DLGAP2: variants seen among roughly 807,000 people sequenced by gnomAD.
DLGAP2 encodes the protein disks large-associated protein 2.
In DLGAP2, 26 loss-of-function variants were observed where a neutral mutation model predicts 100.3. The observed-to-expected ratio is 0.26, with a 90% CI of 0.19 to 0.36. The LOEUF is 0.36. Ranked by LOEUF, DLGAP2 falls within the 10% of genes least tolerant of loss-of-function variation. The pLI is 1.00. For missense variants in DLGAP2, 1,858 were observed against 1,453.2 expected, an observed-to-expected ratio of 1.28 and a Z score of -4.53; for synonymous variants, 886 against 630.1, an observed-to-expected ratio of 1.41 and a Z score of -6.08.
At chr8:1,085,244 T>C (rs993323014) in intron 2 of DLGAP2, among the ~76,000 whole-genome samples, 1 of 152,238 alleles carries the variant, frequency 6.6e-6, no homozygotes, top group Admixed American at 6.5e-5. Context: ...TTTGAGTTCT[T>C]ACATATTTTG....
chr8:1,015,163 A>G (rs868470391), intron 2 of DLGAP2, among the ~76,000 whole-genome samples: 186 of 9,080 alleles, frequency 0.02, 2 homozygotes, highest in African/African-American at 0.029. Context: ...AGGACAGACG[A>G]CGCCTCCACT....
intron 1 of DLGAP2, among the ~76,000 whole-genome samples, chr8:907,094 T>A (rs1359448221): frequency 6.6e-6 from 1 of 152,168 alleles, no homozygotes; most frequent in Non-Finnish European, 1.5e-5. Flanking sequence ...GACTGGTGTT[T>A]CTTTGCAACA....
chr8:1,054,247 C>G (rs770180213), intron 2 of DLGAP2, among the ~76,000 whole-genome samples: 1 of 151,960 alleles, frequency 6.6e-6, no homozygotes, highest in Non-Finnish European at 1.5e-5. Flanking sequence ...CATGTACACA[C>G]ACGTACACAC....
At chr8:1,563,962 C>T (rs1015108740) in intron 5 of DLGAP2, among the ~76,000 whole-genome samples, 1 of 152,150 alleles carries the variant, frequency 6.6e-6, no homozygotes, top group Admixed American at 6.5e-5. Flanking sequence ...GTCTGAAGAC[C>T]TTTTAAATAT....
chr8:853,634 C>T (rs1035511647), intron 1 of DLGAP2, among the ~76,000 whole-genome samples: 3 of 152,208 alleles, frequency 2.0e-5, no homozygotes, highest in Non-Finnish European at 2.9e-5. Flanking sequence ...GGGCCAGCCT[C>T]GCAAGCAGCC....
At chr8:1,189,607 A>G (rs551726965) in intron 2 of DLGAP2, among the ~76,000 whole-genome samples, 3 of 152,336 alleles carry the variant, frequency 2.0e-5, no homozygotes, top group African/African-American at 7.2e-5. Flanking sequence ...ATTTTTTGTC[A>G]TTCAAGCACG....
At chr8:1,160,523 G>T (rs1240219121) in intron 2 of DLGAP2, among the ~76,000 whole-genome samples, 2 of 152,194 alleles carry the variant, frequency 1.3e-5, no homozygotes, top group Non-Finnish European at 2.9e-5. Flanking sequence ...AGAAGGACGT[G>T]GTCCACGTGT....
At chr8:949,637 C>G in intron 2 of DLGAP2, among the ~76,000 whole-genome samples, 1 of 152,202 alleles carries the variant, frequency 6.6e-6, no homozygotes, top group East Asian at 1.9e-4. Flanking sequence ...GTGGGTCACT[C>G]TTTTTCTGGC....
intron 6 of DLGAP2, among the ~76,000 whole-genome samples, chr8:1,607,589 C>T (rs1274303960): frequency 2.0e-5 from 3 of 152,182 alleles, no homozygotes; most frequent in African/African-American, 4.8e-5. Flanking sequence ...GCGTGAGCGA[C>T]GCAGAAGACG....
chr8:1,193,790 C>G (rs920820068), intron 2 of DLGAP2, among the ~76,000 whole-genome samples: 10 of 152,060 alleles, frequency 6.6e-5, no homozygotes, highest in Non-Finnish European at 1.5e-4. Context: ...GCCTCCGCAC[C>G]ATGCCCCCTG....
chr8:858,125 G>A (rs552508136), intron 1 of DLGAP2, among the ~76,000 whole-genome samples: 33 of 152,246 alleles, frequency 2.2e-4, no homozygotes, highest in East Asian at 7.7e-4. Context: ...CCAGAGTGTC[G>A]GGATTACAGG....
intron 3 of DLGAP2, among the ~76,000 whole-genome samples, chr8:1,456,179 T>A (rs1798304988): frequency 6.6e-6 from 1 of 152,230 alleles, no homozygotes; most frequent in Non-Finnish European, 1.5e-5. Flanking sequence ...CTAAGAAAGC[T>A]GCGGATTCTG....
intron 3 of DLGAP2, among the ~76,000 whole-genome samples, chr8:1,265,055 TA>T (rs1275791293): frequency 6.6e-6 from 1 of 152,114 alleles, no homozygotes; most frequent in Non-Finnish European, 1.5e-5. Context: ...AACCTCTTTT[TA>T]AAAATAAATT....
chr8:748,971 A>C (rs1820721236), intron 1 of DLGAP2, among the ~76,000 whole-genome samples: 1 of 152,174 alleles, frequency 6.6e-6, no homozygotes, highest in South Asian at 2.1e-4. Flanking sequence ...GTATAACGGG[A>C]GGTGAGCAGG....
At chr8:1,337,136 ATGG>A (rs1355000690) in intron 3 of DLGAP2, among the ~76,000 whole-genome samples, 4 of 151,282 alleles carry the variant, frequency 2.6e-5, no homozygotes, top group Admixed American at 6.6e-5. Context: ...GAGGATGATA[ATGG>A]TGGTGAGAAT....
chr8:1,699,502 T>G (rs1489558591), intron 14 of DLGAP2, among the ~76,000 whole-genome samples: 4 of 150,432 alleles, frequency 2.7e-5, no homozygotes, highest in Non-Finnish European at 5.9e-5. Context: ...TAGTCCCAGC[T>G]ACTCAGGAGG....
chr8:1,639,076 G>A (rs1797836844), intron 8 of DLGAP2, among the ~76,000 whole-genome samples: 1 of 152,236 alleles, frequency 6.6e-6, no homozygotes, highest in African/African-American at 2.4e-5. Flanking sequence ...CCAGCCCACA[G>A]GTGCCGAGTA....
At chr8:1,337,095 AGGT>A (rs1801291546) in intron 3 of DLGAP2, among the ~76,000 whole-genome samples, 1 of 152,114 alleles carries the variant, frequency 6.6e-6, no homozygotes. Context: ...GAGGAGGAGG[AGGT>A]GAAGAAGAAA....
At chr8:1,517,807 T>G (rs530688609) in intron 4 of DLGAP2, among the ~76,000 whole-genome samples, 3 of 152,274 alleles carry the variant, frequency 2.0e-5, no homozygotes, top group East Asian at 3.9e-4. Flanking sequence ...CACAAATGTG[T>G]GTTTATTTTC....
Sources: gnomAD v4.1 joint callset for allele counts (sites outside exome capture counted in the v4.1 genomes callset) on GRCh38, gnomAD v4.1.1 for gene constraint, MANE v1.5 for transcripts, NCBI Gene and HGNC (gene_info 2026-07-23, HGNC 2026-07-21) for gene names.